LNX2: variants seen among roughly 807,000 people sequenced by gnomAD.
LNX2 encodes ligand of numb-protein X 2.
LNX2 carries 35 observed loss-of-function variants against 66.2 expected under a neutral mutation model. The observed-to-expected ratio is 0.53, with a 90% CI of 0.40 to 0.70. The LOEUF (loss-of-function observed/expected upper bound fraction) is 0.70. LNX2 is among the 30% of genes least tolerant of loss of function. The pLI is 0.00. For synonymous variants in LNX2, 337 were observed against 315.6 expected, an observed-to-expected ratio of 1.07 and a Z score of -0.72; for missense variants, 791 against 850.8, an observed-to-expected ratio of 0.93 and a Z score of 0.87.
At chr13:27,549,595 C>T (rs972059637) in intron 9 of LNX2, among the ~76,000 whole-genome samples, 1 of 152,166 alleles carries the variant, frequency 6.6e-6, no homozygotes, top group Non-Finnish European at 1.5e-5. Flanking sequence ...CCTTTCCAAG[C>T]CTCAGTTATC....
intron 1 of LNX2, among the ~76,000 whole-genome samples, chr13:27,607,026 T>G (rs541741044): frequency 6.6e-6 from 1 of 152,344 alleles, no homozygotes; most frequent in African/African-American, 2.4e-5. Flanking sequence ...AACACAAATC[T>G]AAATATTAAT....
chr13:27,559,696 G>A, intron 6 of LNX2, 146 bp downstream of exon 6: 1 of 729,460 alleles, frequency 1.4e-6, no homozygotes, highest in South Asian at 3.8e-5. Context: ...TTTTTCAACA[G>A]AATAACAACC....
intron 1 of LNX2, among the ~76,000 whole-genome samples, chr13:27,584,212 T>C (rs186553040): frequency 9.0e-4 from 137 of 152,288 alleles, no homozygotes; most frequent in African/African-American, 3.1e-3. Flanking sequence ...ATCACGTATA[T>C]GTATTTGCTT....
At chr13:27,604,494 C>T (rs551933981) in intron 1 of LNX2, among the ~76,000 whole-genome samples, 1 of 152,312 alleles carries the variant, frequency 6.6e-6, no homozygotes, top group South Asian at 2.1e-4. Context: ...ATTTAATCCA[C>T]CATAAGTTTC....
chr13:27,576,763 T>C (rs1217561138), intron 2 of LNX2, among the ~76,000 whole-genome samples: 1 of 151,892 alleles, frequency 6.6e-6, no homozygotes, highest in Non-Finnish European at 1.5e-5. Flanking sequence ...CAATAAAATT[T>C]AAAGGATTGA....
rs201003964 is a variant in LNX2, at chr13:27,569,126, C to T, written c.558G>A (p.Val186=). The change falls in exon 3 of 10, where the codon GTG becomes GTA. Residue 186 remains valine (V), a synonymous_variant. Transcript: ENST00000316334. ...PEADCLGTGA[V]PVERHLTSAS... ...CTGATGTCAAGTGCCGCTCCACAGGCACTGCGCCTGTCCCCAAACAGTCTG... is the reference window on the plus strand; with the variant it reads ...CTGATGTCAAGTGCCGCTCCACAGGTACTGCGCCTGTCCCCAAACAGTCTG... 2.5e-6 allele frequency: 4 copies of T among 1,612,944 alleles called. No individual in the cohort carries two copies. In the South Asian group the frequency reaches 4.4e-5, roughly 18 times the overall value.
intron 1 of LNX2, among the ~76,000 whole-genome samples, chr13:27,593,736 G>T (rs1231236874): frequency 2.7e-5 from 3 of 112,486 alleles, no homozygotes; most frequent in Admixed American, 8.1e-5. Flanking sequence ...CCTGGTTTTT[G>T]TGTGTGTGTG....
At position 27,547,354 on chromosome 13, in the gene LNX2, A is replaced by G. The variant is rs960490907; in HGVS notation, c.*981T>C. The G allele has an allele frequency of 1.3e-5, 2 of 152,200 alleles. No individual in the cohort carries two copies. Among genetic ancestry groups the G allele is most frequent in the African/African-American group, 4.8e-5 (2 of 41,460 alleles). 9.4% of individuals were successfully genotyped at this position (152,200 alleles called of 1,614,324 possible). ...TAAGTGCAGCTTTACCATCTCTAAC[A>G]TTAAGTTATAATTATCATCCAAATT... On this transcript the variant is annotated 3_prime_UTR_variant, in exon 10 of 10. Coordinates refer to ENST00000316334, the MANE Select transcript of LNX2 (RefSeq NM_153371.4).
At chr13:27,556,021 A>G (rs1465488041) in intron 7 of LNX2, among the ~76,000 whole-genome samples, 1 of 152,136 alleles carries the variant, frequency 6.6e-6, no homozygotes, top group African/African-American at 2.4e-5. Flanking sequence ...CTGTTAGCAA[A>G]TTCTGGAACT....
chr13:27,602,401 G>A (rs181534159), intron 1 of LNX2, among the ~76,000 whole-genome samples: 1 of 152,030 alleles, frequency 6.6e-6, no homozygotes, highest in Non-Finnish European at 1.5e-5. Context: ...ACAGGCAACC[G>A]CTGGTCTGAT....
chr13:27,588,645 T>C (rs147283439), intron 1 of LNX2, among the ~76,000 whole-genome samples: 2 of 152,302 alleles, frequency 1.3e-5, no homozygotes, highest in African/African-American at 4.8e-5. Context: ...GGATAAAGGG[T>C]ACATGGGATC....
chr13:27,579,540 G>C (rs1283084837), intron 2 of LNX2, among the ~76,000 whole-genome samples: 1 of 152,084 alleles, frequency 6.6e-6, no homozygotes, highest in Non-Finnish European at 1.5e-5. Context: ...CAATTACCAA[G>C]GTTTTTTACA....
chr13:27,581,274 C>G, intron 2 of LNX2, 23 bp downstream of exon 2: 2 of 1,454,682 alleles, frequency 1.4e-6, no homozygotes, highest in Non-Finnish European at 1.8e-6. Context: ...TCTGGAGTTA[C>G]TTCTTTTATA....
At chr13:27,567,193 T>C (rs998426284) in intron 4 of LNX2, among the ~76,000 whole-genome samples, 2 of 152,156 alleles carry the variant, frequency 1.3e-5, no homozygotes, top group Non-Finnish European at 2.9e-5. Context: ...GAGTGCTGCA[T>C]GGTTCCTTCT....
chr13:27,590,430 G>A (rs1275008096), intron 1 of LNX2, among the ~76,000 whole-genome samples: 2 of 151,708 alleles, frequency 1.3e-5, no homozygotes, highest in Admixed American at 1.3e-4. Context: ...TGTTGGTCAG[G>A]CTGGTCTCGA....
At position 27,562,670 on chromosome 13, in the gene LNX2, G is replaced by A; in HGVS notation, c.967C>T (p.Arg323Ter). 3 of 1,614,168 alleles carry A rather than the reference G, an allele frequency of 1.9e-6. No individual in the cohort carries two copies. The highest frequency in any genetic ancestry group is 1.3e-5 in the African/African-American group (1 of 75,026). The change falls in exon 5 of 10, where the codon CGA becomes TGA. Residue 323 changes from arginine to a stop codon, truncating the protein, a stop_gained. Transcript: ENST00000316334. LOFTEE classifies it high-confidence loss of function. ...TTACTATCAGAATGGTTGTGTGCTC[G>A]GTTGCCAAAGCGCCTCTCTCGAAGC... ...TVLRERRFGN[R>*]AHNHSDSNSP...
At chr13:27,605,523 T>C (rs1955704752) in intron 1 of LNX2, among the ~76,000 whole-genome samples, 1 of 152,218 alleles carries the variant, frequency 6.6e-6, no homozygotes, top group Non-Finnish European at 1.5e-5. Flanking sequence ...TATGATTCTA[T>C]CAAAACTTTA....
intron 1 of LNX2, among the ~76,000 whole-genome samples, chr13:27,606,853 T>C (rs913681952): frequency 1.3e-5 from 2 of 152,122 alleles, no homozygotes; most frequent in African/African-American, 4.8e-5. Flanking sequence ...GAGAAAGCAG[T>C]CAAGATTGGT....
intron 9 of LNX2, among the ~76,000 whole-genome samples, chr13:27,549,307 T>C (rs1954978999): frequency 6.6e-6 from 1 of 152,176 alleles, no homozygotes; most frequent in South Asian, 2.1e-4. Flanking sequence ...ATGTCAACAT[T>C]TACTTTTTAA....
Sources: gnomAD v4.1 joint callset for allele counts (sites outside exome capture counted in the v4.1 genomes callset) on GRCh38, gnomAD v4.1.1 for gene constraint, MANE v1.5 for transcripts, NCBI Gene and HGNC (gene_info 2026-07-23, HGNC 2026-07-21) for gene names.